The following PRH1 variants were observed in gnomAD, a reference collection of about 807,000 sequenced individuals.
PRH1 encodes salivary acidic proline-rich phosphoprotein 1/2.
In PRH1, 7 loss-of-function variants were observed where a neutral mutation model predicts 7.9. That is an observed-to-expected ratio of 0.89 (90% confidence interval 0.50 to 1.67). The LOEUF (loss-of-function observed/expected upper bound fraction) is 1.67, where lower values mean the gene tolerates loss of function less well. Among genes scored for constraint, PRH1 ranks in the 40% most tolerant of loss-of-function variants. The pLI, the probability that PRH1 is intolerant of heterozygous loss-of-function variation, is 0.00. For synonymous variants in PRH1, 45 were observed against 80.8 expected (o/e 0.56, Z 2.38); for missense variants, 109 against 223.6 (o/e 0.49, Z 3.27).
intron 1 of PRH1, among the ~76,000 whole-genome samples, chr12:11,162,321 G>C (rs1322603565): frequency 2.0e-5 from 3 of 152,158 alleles, no homozygotes; most frequent in Non-Finnish European, 4.4e-5. Context: ...TATTCCTCCT[G>C]TTTTCTTTCT....
At chr12:11,062,889 G>C (rs1943671695) in intron 1 of PRH1, among the ~76,000 whole-genome samples, 1 of 152,016 alleles carries the variant, frequency 6.6e-6, no homozygotes, top group African/African-American at 2.4e-5. Context: ...GAATCTGGTT[G>C]CTGCTAATAC....
intron 2 of PRH1, among the ~76,000 whole-genome samples, chr12:10,922,360 C>G (rs1023419368): frequency 6.6e-6 from 1 of 152,118 alleles, no homozygotes; most frequent in Non-Finnish European, 1.5e-5. Context: ...TTGTGAAAAG[C>G]TTTTTCGTTG....
intron 1 of PRH1, among the ~76,000 whole-genome samples, chr12:11,042,781 C>G (rs1325719459): frequency 6.6e-6 from 1 of 151,928 alleles, no homozygotes; most frequent in Non-Finnish European, 1.5e-5. Flanking sequence ...AGGCGCCCAC[C>G]ACCACGCCCG....
At chr12:10,893,818 T>C (rs1949608676) in intron 2 of PRH1, among the ~76,000 whole-genome samples, 1 of 152,220 alleles carries the variant, frequency 6.6e-6, no homozygotes, top group African/African-American at 2.4e-5. Flanking sequence ...TGTTCTTTTT[T>C]TTCTTAGAGA....
chr12:11,163,310 C>T (rs902062411), intron 1 of PRH1, among the ~76,000 whole-genome samples: 11 of 151,974 alleles, frequency 7.2e-5, no homozygotes, highest in Admixed American at 6.6e-5. Flanking sequence ...GTACCATGAA[C>T]ATTTATTAAA....
intron 2 of PRH1, chr12:10,930,583 G>C (rs1319208396): frequency 1.9e-6 from 3 of 1,584,914 alleles, no homozygotes; most frequent in African/African-American, 2.7e-5. Context: ...GGGGCCGGCC[G>C]TGTGGTGAAG....
chr12:10,901,281 A>G (rs1314359765), intron 2 of PRH1, among the ~76,000 whole-genome samples: 1 of 152,190 alleles, frequency 6.6e-6, no homozygotes, highest in East Asian at 1.9e-4. Flanking sequence ...CTGCTCCACA[A>G]GCAGGCAGAT....
rs1243021131 is a variant in PRH1 at position 10,996,981 on chromosome 12, A to C, written c.-125-23260T>G. On this transcript the variant is annotated intron_variant, in intron 1 of 3. Coordinates refer to the PRH1 transcript ENST00000539853. ...GACTGGTTCTGTCCTTTTGCCCAGCAAGTCACCTGCCACAAAACTGAAAGA... is the reference window on the plus strand; with the variant it reads ...GACTGGTTCTGTCCTTTTGCCCAGCCAGTCACCTGCCACAAAACTGAAAGA... 1.9e-6 allele frequency: 3 copies of C among 1,613,434 alleles called. No homozygotes were observed. In the Admixed American group the frequency reaches 5.0e-5, roughly 27 times the overall value.
At chr12:11,100,405 G>GA (rs1359510856) in intron 1 of PRH1, among the ~76,000 whole-genome samples, 1 of 152,150 alleles carries the variant, frequency 6.6e-6, no homozygotes, top group African/African-American at 2.4e-5. Context: ...GATGTGAGGA[G>GA]TTTTTTTGGA....
At chr12:10,962,974 G>A (rs1310539603) in intron 2 of PRH1, among the ~76,000 whole-genome samples, 3 of 152,146 alleles carry the variant, frequency 2.0e-5, no homozygotes, top group Non-Finnish European at 2.9e-5. Flanking sequence ...GTTTCACAGC[G>A]TTAGCCAGGA....
chr12:10,954,063 A>C (rs59596207), intron 2 of PRH1, among the ~76,000 whole-genome samples: 5,656 of 152,252 alleles, frequency 0.037, 341 homozygotes, highest in African/African-American at 0.13. Flanking sequence ...AACAAATGCT[A>C]AGGGATTTGA....
chr12:10,932,328 T>G, intron 2 of PRH1: 1 of 348,024 alleles, frequency 2.9e-6, no homozygotes, highest in African/African-American at 2.0e-5. Context: ...CAATTTCTGA[T>G]TATAGCATCT....
intron 1 of PRH1, among the ~76,000 whole-genome samples, chr12:11,126,045 A>G (rs576561732): frequency 5.1e-4 from 75 of 147,822 alleles, no homozygotes; most frequent in African/African-American, 1.8e-3. Flanking sequence ...CTGCTTTTAA[A>G]ATATTTTCAT....
At chr12:11,146,206 T>C (rs1340323573) in intron 1 of PRH1, among the ~76,000 whole-genome samples, 3 of 152,134 alleles carry the variant, frequency 2.0e-5, no homozygotes, top group African/African-American at 7.2e-5. Context: ...ATTCTGTGCG[T>C]CTTTACACAT....
chr12:11,123,054 T>C (rs1028985291), intron 1 of PRH1, among the ~76,000 whole-genome samples: 1 of 152,168 alleles, frequency 6.6e-6, no homozygotes, highest in African/African-American at 2.4e-5. Flanking sequence ...ATAGCTTCGT[T>C]TGGTCTGCTT....
chr12:11,092,628 C>G lies in PRH1; in HGVS notation n.124-45440G>C, dbSNP rs2136266351. 1.7e-5 allele frequency among the ~76,000 whole-genome samples: 2 copies of G among 114,652 alleles called. 1 individual carries two copies. The highest frequency in any genetic ancestry group is 4.7e-4 in the South Asian group (2 of 4,216). The allele number at this position is 114,652 out of a possible 152,430, so 75.2% of individuals were successfully genotyped here. ...ATTGGTGCATTTTACAATCCTCTTGCTAGCTACAGAGCGCTGATTGCTGTG... is the reference window on the plus strand; with the variant it reads ...ATTGGTGCATTTTACAATCCTCTTGGTAGCTACAGAGCGCTGATTGCTGTG... On this transcript the variant is annotated intron_variant and non_coding_transcript_variant, in intron 1 of 4. Transcript: ENST00000541977.
At chr12:11,074,235 A>G (rs1591957834) in intron 1 of PRH1, among the ~76,000 whole-genome samples, 1 of 149,524 alleles carries the variant, frequency 6.7e-6, no homozygotes, top group East Asian at 1.9e-4. Flanking sequence ...ACAGTCTGAT[A>G]CAAAAATAGA....
In PRH1 at chr12:10,908,680, T is replaced by G. The variant is rs567736542; in HGVS notation, c.-58-24405A>C. 1.1e-4 allele frequency: 170 copies of G among 1,613,922 alleles called. 2 individuals carry two copies. In the South Asian group the frequency reaches 1.8e-3, roughly 17 times the overall value. On this transcript the variant is annotated intron_variant, in intron 2 of 3. Transcript: ENST00000539853. ...TTGAGTTGCATTTTCTGGAGATGTT[T>G]CTGCAGGGAGAAAATTAACAGGAGA...
intron 1 of PRH1, among the ~76,000 whole-genome samples, chr12:11,019,500 C>G (rs111251155): frequency 1.6e-4 from 24 of 151,540 alleles, no homozygotes; most frequent in Non-Finnish European, 2.8e-4. Context: ...CTTTTCCATG[C>G]GTTTATAACA....
Sources: allele counts gnomAD v4.1 joint callset (sites outside exome capture counted in the v4.1 genomes callset), GRCh38; gene constraint gnomAD v4.1.1; transcripts MANE v1.5; gene names NCBI Gene and HGNC (gene_info 2026-07-23, HGNC 2026-07-21).